Variants in DEFB121 observed in about 807,000 individuals in gnomAD.
DEFB121 encodes beta-defensin 121.
A neutral mutation model predicts 2.5 loss-of-function variants in DEFB121; 5 were observed. That is an observed-to-expected ratio of 1.96 (90% CI 1.03 to 4.13). The LOEUF is 4.13. Among genes scored for constraint, DEFB121 ranks in the 30% most tolerant of loss-of-function variants. The probability of loss-of-function intolerance (pLI) is 0.00; values close to 1 mark genes in which losing one functional copy is unlikely to be tolerated. For synonymous variants in DEFB121, 39 were observed against 32.6 expected (o/e 1.20, Z -0.67); for missense variants, 87 against 85.0 (o/e 1.02, Z -0.09).
At chr20:31,410,929 G>A (rs907247988), upstream of DEFB121, among the ~76,000 whole-genome samples, 1 of 151,250 alleles carries the variant, frequency 6.6e-6, no homozygotes, top group African/African-American at 2.4e-5. Context: ...TGCATCCAAG[G>A]AACCCCCAGT....
chr20:31,418,027 G>A, the DEFB121 span, among the ~76,000 whole-genome samples: 3 of 151,314 alleles, frequency 2.0e-5, no homozygotes, highest in Non-Finnish European at 4.4e-5. Flanking sequence ...TTGGGAGGCC[G>A]AGGCGGGCGG....
chr20:31,415,126 G>A (rs1271649917), upstream of DEFB121, among the ~76,000 whole-genome samples: 1 of 152,160 alleles, frequency 6.6e-6, no homozygotes, highest in Non-Finnish European at 1.5e-5. Flanking sequence ...TGTACCTAGA[G>A]TCAATAATAA....
upstream of DEFB121, among the ~76,000 whole-genome samples, chr20:31,413,139 A>C (rs1052362624): frequency 1.4e-4 from 22 of 152,092 alleles, 1 homozygote; most frequent in African/African-American, 5.3e-4. Flanking sequence ...TCCACATCCA[A>C]AGCTACCCAG....
At chr20:31,416,350 G>A (rs900685365), upstream of DEFB121, among the ~76,000 whole-genome samples, 1 of 152,104 alleles carries the variant, frequency 6.6e-6, no homozygotes, top group African/African-American at 2.4e-5. Context: ...CATAAGCCAC[G>A]GCGCCTGGCC....
At chr20:31,406,827 T>C (rs1266496242), upstream of DEFB121, among the ~76,000 whole-genome samples, 3 of 152,108 alleles carry the variant, frequency 2.0e-5, no homozygotes, top group Non-Finnish European at 4.4e-5. Context: ...TTTGAGACAG[T>C]CTTGTTCTGT....
chr20:31,414,827 G>A (rs745561416), upstream of DEFB121, among the ~76,000 whole-genome samples: 1 of 152,160 alleles, frequency 6.6e-6, no homozygotes, highest in Non-Finnish European at 1.5e-5. Context: ...GAGGCAGGAG[G>A]ATCCCTTGAG....
chr20:31,412,565 G>A (rs1600533428), intron 1 of DEFB121: 1 of 1,221,072 alleles, frequency 8.2e-7, no homozygotes, highest in Non-Finnish European at 1.1e-6. Flanking sequence ...ATAGTGCCTG[G>A]CATAGAGGAA....
upstream of DEFB121, among the ~76,000 whole-genome samples, chr20:31,410,829 A>C (rs1978640940): frequency 1.3e-5 from 2 of 148,950 alleles, no homozygotes; most frequent in Non-Finnish European, 3.0e-5. Context: ...AAAATGAGAG[A>C]GAGAGAGAGA....
Position 31,404,948 on chromosome 20 carries a change from T to G in DEFB121, c.196A>C (p.Thr66Pro). ...GAAGTTGATTCCAGGCTTGTATTTG[T>G]GTCTGTTAATTTTGGTTTTACAGGT... Reference protein sequence around the residue: ...YVPVKPKLTDTNTSLESTSAV With the variant: ...YVPVKPKLTDPNTSLESTSAV The change falls in exon 2 of 2, where the codon ACA becomes CCA. Residue 66 changes from threonine (T) to proline (P), a missense_variant. Thr to Pro is a conservative substitution (Grantham distance 38). Coordinates refer to ENST00000376314, the MANE Select transcript of DEFB121 (RefSeq NM_001011878.3). 6.2e-7 allele frequency: 1 copy of G among 1,614,022 alleles called. No homozygotes were observed. The highest frequency in any genetic ancestry group is 8.5e-7 in the Non-Finnish European group (1 of 1,179,974).
upstream of DEFB121, among the ~76,000 whole-genome samples, chr20:31,408,791 T>G (rs1978569428): frequency 1.3e-5 from 2 of 152,146 alleles, no homozygotes; most frequent in Admixed American, 1.3e-4. Context: ...TTTGGGAGAC[T>G]GAGACAGGTG....
At chr20:31,407,035 C>T (rs1978502867), upstream of DEFB121, among the ~76,000 whole-genome samples, 2 of 152,182 alleles carry the variant, frequency 1.3e-5, no homozygotes, top group Non-Finnish European at 2.9e-5. Flanking sequence ...ATCACAAGTT[C>T]AGGAGATCGA....
chr20:31,412,769 C>A, exon 1 of DEFB121: 1 of 989,630 alleles, frequency 1.0e-6, no homozygotes, highest in Non-Finnish European at 1.4e-6. Flanking sequence ...CCGTGATCTT[C>A]AAGTTTGAAA....
At chr20:31,411,659 T>C (rs964829219) in intron 1 of DEFB121, among the ~76,000 whole-genome samples, 5 of 151,784 alleles carry the variant, frequency 3.3e-5, no homozygotes, top group Admixed American at 2.6e-4. Flanking sequence ...AATGGTACAT[T>C]AGGAAAATTA....
Position 31,406,019 on chromosome 20 carries a change from C to A in DEFB121, c.58+76G>T, listed in dbSNP as rs546347831. The A allele has an allele frequency of 7.8e-6, 12 of 1,537,536 alleles. No individual in the cohort carries two copies. In the African/African-American group the frequency reaches 1.4e-4, roughly 17 times the overall value. On this transcript the variant is annotated intron_variant, in intron 1 of 1. Transcript: ENST00000376314. ...TACCAGGCCATTCTCCCAGCCCAAC[C>A]TGTCAGAGTCCCCAGAGTTCTCTGA...
upstream of DEFB121, among the ~76,000 whole-genome samples, chr20:31,414,776 C>A (rs187890385): frequency 6.6e-6 from 1 of 152,228 alleles, no homozygotes; most frequent in Non-Finnish European, 1.5e-5. Context: ...AGAGGCCAGG[C>A]GCAGTAGCTC....
chr20:31,415,794 TAA>T (rs1344984128), upstream of DEFB121, among the ~76,000 whole-genome samples: 1 of 152,018 alleles, frequency 6.6e-6, no homozygotes, highest in African/African-American at 2.4e-5. Context: ...GGAGAGGGTG[TAA>T]AAGAGTACTT....
chr20:31,414,288 G>A (rs573269139), upstream of DEFB121, among the ~76,000 whole-genome samples: 12 of 152,102 alleles, frequency 7.9e-5, no homozygotes, highest in South Asian at 2.1e-3. Context: ...GGAAGGAAAG[G>A]AAGGCAAAGG....
At chr20:31,412,618 T>C in intron 1 of DEFB121, 12 of 1,290,922 alleles carry the variant, frequency 9.3e-6, no homozygotes, top group Non-Finnish European at 1.2e-5. Flanking sequence ...CTATGAATCC[T>C]CACCTTCCTT....
the DEFB121 span, among the ~76,000 whole-genome samples, chr20:31,417,844 T>C: frequency 6.6e-6 from 1 of 151,816 alleles, no homozygotes; most frequent in Non-Finnish European, 1.5e-5. Flanking sequence ...GCGCCTGTAA[T>C]CCCAGCTACT....
Sources: allele counts gnomAD v4.1 joint callset (sites outside exome capture counted in the v4.1 genomes callset), GRCh38; gene constraint gnomAD v4.1.1; transcripts MANE v1.5; gene names NCBI Gene and HGNC (gene_info 2026-07-23, HGNC 2026-07-21).